Variants in KLRG1 observed in about 807,000 individuals in gnomAD.
KLRG1 encodes killer cell lectin like receptor G1, also known as killer cell lectin-like receptor subfamily G member 1.
In KLRG1, 16 loss-of-function variants were observed where a neutral mutation model predicts 21.8. That is an observed-to-expected ratio of 0.73 (90% CI 0.50 to 1.11). The LOEUF (loss-of-function observed/expected upper bound fraction) is 1.11. Ranked by LOEUF, KLRG1 falls within the 50% of genes most tolerant of loss-of-function variation. The pLI, the probability that KLRG1 is intolerant of heterozygous loss-of-function variation, is 0.00. For synonymous variants in KLRG1, 69 were observed against 75.9 expected (o/e 0.91, Z 0.47); for missense variants, 173 against 218.3 (o/e 0.79, Z 1.31).
chr12:9,067,459 C>A, the KLRG1 span: 1 of 294,390 alleles, frequency 3.4e-6, no homozygotes, highest in Admixed American at 4.7e-5. Context: ...TAAAAATTCA[C>A]CCTTTGGGTT....
At chr12:9,072,821 A>G in the KLRG1 span, 2 of 1,614,192 alleles carry the variant, frequency 1.2e-6, no homozygotes, top group Non-Finnish European at 1.7e-6. Flanking sequence ...CAGTCCTGGT[A>G]AATGTGGCTG....
chr12:8,996,498 T>C (rs1332606104), intron 3 of KLRG1: 2 of 152,170 alleles, frequency 1.3e-5, no homozygotes, highest in Admixed American at 1.3e-4. Flanking sequence ...TTAACTTACC[T>C]TGGGAAAAAT....
At chr12:8,987,587 G>A (rs1946865150), upstream of KLRG1, 1 of 152,196 alleles carries the variant, frequency 6.6e-6, no homozygotes, top group African/African-American at 2.4e-5. Context: ...TATTCACATT[G>A]TTGTGTACCG....
the KLRG1 span, chr12:9,077,755 C>T: frequency 1.9e-5 from 30 of 1,614,082 alleles, no homozygotes; most frequent in South Asian, 3.0e-4. Context: ...CATTGTCCTT[C>T]TGCCTCTGGG....
At chr12:9,029,872 T>C in the KLRG1 span, among the ~76,000 whole-genome samples, 1 of 152,290 alleles carries the variant, frequency 6.6e-6, no homozygotes. Flanking sequence ...TTCTCATGCC[T>C]CGGCCTCCCG....
the KLRG1 span, among the ~76,000 whole-genome samples, chr12:9,140,160 GT>G: frequency 6.6e-6 from 1 of 152,224 alleles, no homozygotes; most frequent in Admixed American, 6.5e-5. Flanking sequence ...CTTTGGGGCA[GT>G]TTTTGGGTAG....
the KLRG1 span, among the ~76,000 whole-genome samples, chr12:9,075,176 GA>G: frequency 6.6e-6 from 1 of 152,000 alleles, no homozygotes; most frequent in Non-Finnish European, 1.5e-5. Context: ...CAGATCACAT[GA>G]AATAGTAGAG....
the KLRG1 span, among the ~76,000 whole-genome samples, chr12:9,042,958 T>C: frequency 6.6e-6 from 1 of 152,220 alleles, no homozygotes; most frequent in South Asian, 2.1e-4. Flanking sequence ...CCAGAATTGC[T>C]ATGATGAGTG....
At chr12:9,162,078 C>T in the KLRG1 span, among the ~76,000 whole-genome samples, 2 of 152,156 alleles carry the variant, frequency 1.3e-5, no homozygotes, top group African/African-American at 4.8e-5. Context: ...TCTCGTGCCC[C>T]AGCCCCCCAT....
chr12:9,150,256 T>G, the KLRG1 span, among the ~76,000 whole-genome samples: 1 of 152,332 alleles, frequency 6.6e-6, no homozygotes. Context: ...GATAAATTTG[T>G]TCAGTAAGTT....
chr12:9,081,726 G>T, the KLRG1 span, among the ~76,000 whole-genome samples: 1 of 152,168 alleles, frequency 6.6e-6, no homozygotes, highest in Non-Finnish European at 1.5e-5. Flanking sequence ...AGAGAACCAG[G>T]GGTAGACATC....
the KLRG1 span, among the ~76,000 whole-genome samples, chr12:9,078,932 A>T: frequency 6.6e-6 from 1 of 152,228 alleles, no homozygotes; most frequent in Non-Finnish European, 1.5e-5. Context: ...TCTGGAAGTT[A>T]TATATGTTCA....
At chr12:9,068,695 T>C in the KLRG1 span, 1 of 1,418,886 alleles carries the variant, frequency 7.0e-7, no homozygotes, top group Non-Finnish European at 9.8e-7. Flanking sequence ...TGAATTTCTG[T>C]GATCAGGAAT....
chr12:9,204,509 A>G, the KLRG1 span, among the ~76,000 whole-genome samples: 3 of 152,336 alleles, frequency 2.0e-5, no homozygotes, highest in South Asian at 6.2e-4. Context: ...TTTTCTTAAT[A>G]TCAGCAACAC....
At chr12:9,075,203 T>C in the KLRG1 span, among the ~76,000 whole-genome samples, 15 of 151,384 alleles carry the variant, frequency 9.9e-5, no homozygotes, top group Non-Finnish European at 2.1e-4. Flanking sequence ...ACTCATTAAA[T>C]TGAAAAAAAA....
the KLRG1 span, among the ~76,000 whole-genome samples, chr12:9,100,518 A>T: frequency 6.6e-6 from 1 of 152,096 alleles, no homozygotes; most frequent in Non-Finnish European, 1.5e-5. Context: ...ACCTCAAGAG[A>T]TCCTCCCATC....
chr12:9,016,681 C>T, the KLRG1 span, among the ~76,000 whole-genome samples: 38 of 152,272 alleles, frequency 2.5e-4, no homozygotes, highest in Admixed American at 3.3e-4. Flanking sequence ...GGCACGATCT[C>T]GGCCCACTAC....
the KLRG1 span, among the ~76,000 whole-genome samples, chr12:9,118,291 G>C: frequency 2.0e-5 from 3 of 152,148 alleles, no homozygotes; most frequent in Non-Finnish European, 1.5e-5. Flanking sequence ...CTCCCTTGAA[G>C]CTGGGTATGG....
chr12:9,106,361 A>G, the KLRG1 span: 16 of 1,563,646 alleles, frequency 1.0e-5, no homozygotes, highest in Non-Finnish European at 1.3e-5. Flanking sequence ...AAAAGAGAAA[A>G]AAATCTGTTA....
Sources: allele counts gnomAD v4.1 joint callset (sites outside exome capture counted in the v4.1 genomes callset), GRCh38; gene constraint gnomAD v4.1.1; transcripts MANE v1.5; gene names NCBI Gene and HGNC (gene_info 2026-07-23, HGNC 2026-07-21).